DNAH7: variants seen among roughly 807,000 people sequenced by gnomAD.
DNAH7 encodes the protein dynein axonemal heavy chain 7, also known as axonemal beta dynein heavy chain 7.
A neutral mutation model predicts 444.6 loss-of-function variants in DNAH7; 397 were observed. That is an observed-to-expected ratio of 0.89 (90% CI 0.82 to 0.97). The LOEUF is 0.97. Ranked by LOEUF, DNAH7 falls within the 50% of genes least tolerant of loss-of-function variation. The pLI is 0.00. For synonymous variants in DNAH7, 1,636 were observed against 1,624.4 expected (o/e 1.01, Z -0.17); for missense variants, 4,902 against 4,800.8 (o/e 1.02, Z -0.62).
At chr2:195,825,398 CTAAT>C (rs1235589581) in intron 48 of DNAH7, among the ~76,000 whole-genome samples, 1 of 152,064 alleles carries the variant, frequency 6.6e-6, no homozygotes, top group Non-Finnish European at 1.5e-5. Context: ...ATTTTGCATG[CTAAT>C]TATTTTTTTG....
intron 8 of DNAH7, among the ~76,000 whole-genome samples, chr2:196,023,768 C>A (rs1346837352): frequency 6.6e-6 from 1 of 152,204 alleles, no homozygotes; most frequent in African/African-American, 2.4e-5. Flanking sequence ...TGTGGCCTAT[C>A]TTGGCTTTCA....
At chr2:195,896,743 A>C (rs569456383) in intron 29 of DNAH7, among the ~76,000 whole-genome samples, 19 of 152,198 alleles carry the variant, frequency 1.2e-4, no homozygotes, top group Non-Finnish European at 1.5e-5. Flanking sequence ...AATTGAGGGA[A>C]AACTTTAAGG....
At chr2:195,984,863 C>T (rs1005213645) in intron 14 of DNAH7, among the ~76,000 whole-genome samples, 153 bp from the exon 15 acceptor site, 25 of 152,122 alleles carry the variant, frequency 1.6e-4, no homozygotes, top group African/African-American at 5.1e-4. Context: ...AATTTGCATA[C>T]ATTTACTTAT....
At chr2:195,890,759 T>C (rs974326244) in intron 31 of DNAH7, among the ~76,000 whole-genome samples, 3 of 152,316 alleles carry the variant, frequency 2.0e-5, no homozygotes, top group East Asian at 1.9e-4. Context: ...CTAAGGTCTT[T>C]CCAGCAATAA....
In DNAH7 at chr2:195,799,466, GA is replaced by G. The variant is rs1298445682; in HGVS notation, c.10182del (p.Pro3395GlnfsTer7). 1.0e-5 allele frequency: 16 copies of G among 1,594,368 alleles called. No homozygotes were observed. The highest frequency in any genetic ancestry group is 1.4e-5 in the Non-Finnish European group (16 of 1,171,468). ...IIRCLRPDKV[I>X]PMLQEFIINR... ...TTGATTATAAATTCCTGCAACATTG[GA>G]ATAACCTAGAAAGAGACAAGGATAT... On this transcript the variant is annotated frameshift_variant, in exon 55 of 65. Transcript: ENST00000312428. LOFTEE classifies it high-confidence loss of function.
chr2:195,878,459 G>A (rs942389898), intron 36 of DNAH7, among the ~76,000 whole-genome samples: 4 of 152,046 alleles, frequency 2.6e-5, no homozygotes, highest in African/African-American at 4.8e-5. Context: ...AAATTAGAGG[G>A]TGTGGTGGTG....
intron 38 of DNAH7, 92 bp from the exon 39 acceptor site, chr2:195,873,786 A>G: frequency 4.1e-6 from 4 of 964,564 alleles, no homozygotes; most frequent in South Asian, 6.5e-5. Context: ...AACTTGAAAG[A>G]TGGACAAATT....
chr2:195,958,759 T>C (rs1005113579), intron 18 of DNAH7, among the ~76,000 whole-genome samples: 1 of 152,226 alleles, frequency 6.6e-6, no homozygotes, highest in Non-Finnish European at 1.5e-5. Context: ...AAGGTCTCTA[T>C]GTGTTTAGTC....
At chr2:195,808,283 C>G (rs965589411) in intron 53 of DNAH7, among the ~76,000 whole-genome samples, 1 of 152,182 alleles carries the variant, frequency 6.6e-6, no homozygotes, top group African/African-American at 2.4e-5. Context: ...ACTGTACAAG[C>G]TTTTTCCTTT....
intron 58 of DNAH7, among the ~76,000 whole-genome samples, chr2:195,782,415 T>C (rs1035445617): frequency 8.5e-5 from 13 of 152,222 alleles, no homozygotes; most frequent in African/African-American, 3.1e-4. Flanking sequence ...TGTCATTTAA[T>C]AGAAGGAACC....
intron 37 of DNAH7, among the ~76,000 whole-genome samples, chr2:195,876,294 A>G (rs1268378282): frequency 6.6e-6 from 1 of 152,176 alleles, no homozygotes; most frequent in Non-Finnish European, 1.5e-5. Flanking sequence ...TTAGTGAAAA[A>G]ATTAGGAAGG....
At position 195,884,780 on chromosome 2, in the gene DNAH7, G is replaced by A. The variant is rs60214909; in HGVS notation, c.5568C>T (p.Ser1856=). The part of the protein sequence containing the change: ...EGIFLFSLIW[S]VGASCTDDDR... ...CATCATCTGTACAAGAAGCACCAACGGACCAGATCAATGAAAACAGAAAAA... is the reference window on the plus strand; with the variant it reads ...CATCATCTGTACAAGAAGCACCAACAGACCAGATCAATGAAAACAGAAAAA... The change falls in exon 35 of 65, where the codon TCC becomes TCT. Residue 1856 remains serine (S), a synonymous_variant. Coordinates refer to ENST00000312428, the MANE Select transcript of DNAH7 (RefSeq NM_018897.3). 197,480 of 1,612,592 alleles carry A rather than the reference G, an allele frequency of 0.12. 13,057 individuals carry two copies. The highest frequency in any genetic ancestry group is 0.18 in the African/African-American group (13,350 of 74,932).
At chr2:195,761,388 G>A (rs1410731281) in intron 61 of DNAH7, among the ~76,000 whole-genome samples, 1 of 152,092 alleles carries the variant, frequency 6.6e-6, no homozygotes, top group Non-Finnish European at 1.5e-5. Flanking sequence ...TTAAAGAAGA[G>A]GTAGAGAGAG....
chr2:195,888,896 T>C lies in DNAH7; in HGVS notation c.5132A>G (p.Lys1711Arg), dbSNP rs1348476459. 1.2e-6 allele frequency: 2 copies of C among 1,614,134 alleles called. No individual in the cohort carries two copies. Among genetic ancestry groups the C allele is most frequent in the South Asian group, 1.1e-5 (1 of 91,074 alleles). Residue 1711 changes from lysine (K) to arginine (R), a missense_variant, in exon 32 of 65, where the codon AAG (lysine) becomes AGG (arginine). Physicochemically the swap from Lys to Arg is conservative, Grantham distance 26 (BLOSUM62 2). Coordinates refer to ENST00000312428, the MANE Select transcript of DNAH7 (RefSeq NM_018897.3). ...ENMNTVLDDN[K>R]KLCLMSGEII... ...CTCCCCACTCATCAGACATAGCTTC[T>C]TGTTGTCATCCAGCACAGTGTTCAT...
chr2:195,824,405 C>T lies in DNAH7; in HGVS notation c.9141G>A (p.Leu3047=), dbSNP rs750482219. ...ENVGEELDPI[L]EPLLLKQTFK... ...AGGTTTGTTTTAGTAGAAGAGGTTC[C>T]AAAATAGGATCTAGTTCTTCGCCAA... Residue 3047 remains leucine (L), a synonymous_variant, in exon 49 of 65, where the codon TTG becomes TTA. Coordinates refer to ENST00000312428, the MANE Select transcript of DNAH7 (RefSeq NM_018897.3). The T allele has an allele frequency of 1.9e-6, 3 of 1,611,268 alleles. No individual in the cohort carries two copies. In the East Asian group the frequency reaches 6.7e-5, roughly 36 times the overall value.
chr2:195,942,644 T>C (rs142376782), intron 19 of DNAH7, among the ~76,000 whole-genome samples: 19 of 152,278 alleles, frequency 1.2e-4, no homozygotes, highest in African/African-American at 4.3e-4. Context: ...CCCTGGACAC[T>C]GAGATTACTT....
chr2:195,775,810 A>C, intron 60 of DNAH7, 36 bp downstream of exon 60: 1 of 1,597,146 alleles, frequency 6.3e-7, no homozygotes, highest in Non-Finnish European at 8.5e-7. Flanking sequence ...CATCCTTCCC[A>C]GGCCTCAGAA....
intron 9 of DNAH7, among the ~76,000 whole-genome samples, chr2:196,018,601 G>A (rs780488043): frequency 3.4e-4 from 52 of 152,102 alleles, no homozygotes; most frequent in Non-Finnish European, 2.1e-4. Flanking sequence ...CAAAGAGATC[G>A]AAATAATTAA....
chr2:195,850,519 G>A (rs2125032553), intron 46 of DNAH7, among the ~76,000 whole-genome samples: 2 of 152,230 alleles, frequency 1.3e-5, no homozygotes, highest in South Asian at 4.1e-4. Context: ...GAGAGCTGTG[G>A]GCCCAGTTAC....
Sources: allele counts gnomAD v4.1 joint callset (sites outside exome capture counted in the v4.1 genomes callset), GRCh38; gene constraint gnomAD v4.1.1; transcripts MANE v1.5; gene names NCBI Gene and HGNC (gene_info 2026-07-23, HGNC 2026-07-21).